ERVW-1: variants seen among roughly 807,000 people sequenced by gnomAD.
The protein encoded by ERVW-1 is syncytin-1.
ERVW-1 carries 21 observed loss-of-function variants against 16.6 expected under a neutral mutation model. The ratio of observed to expected loss-of-function variants is 1.26; its 90% CI spans 0.90 to 1.82. ERVW-1 has a LOEUF of 1.82. Ranked by LOEUF, ERVW-1 falls within the 40% of genes most tolerant of loss-of-function variation. The pLI, the probability that ERVW-1 is intolerant of heterozygous loss-of-function variation, is 0.00. For synonymous variants in ERVW-1, 161 were observed against 109.8 expected, an observed-to-expected ratio of 1.47 and a Z score of -2.92; for missense variants, 412 against 300.2, an observed-to-expected ratio of 1.37 and a Z score of -2.75.
intron 1 of ERVW-1, chr7:92,472,403 A>G (rs769008621): frequency 6.6e-6 from 1 of 152,214 alleles, no homozygotes; most frequent in African/African-American, 2.4e-5. Context: ...AATGAGGTCA[A>G]CCCTTTGCCA....
At position 92,469,789 on chromosome 7, in the gene ERVW-1, A is replaced by G. The variant is rs1477039721; in HGVS notation, c.593T>C (p.Val198Ala). The change falls in exon 2 of 2, where the codon GTT becomes GCT. Residue 198 changes from valine (V) to alanine (A), a missense_variant. Val to Ala is a moderately conservative substitution (Grantham distance 64). Coordinates refer to ENST00000603053, the MANE Select transcript of ERVW-1 (RefSeq NM_001130925.2). Reference sequence around the variant, plus strand: ...CCATTGTTCAGGTACAGGGATTGAAACATATGGCCTGAAGTTCAGGGGGAG... The same window carrying G: ...CCATTGTTCAGGTACAGGGATTGAAGCATATGGCCTGAAGTTCAGGGGGAG... ...ICLPLNFRPY[V>A]SIPVPEQWNN... The G allele has an allele frequency of 1.3e-6, 1 of 765,360 alleles. No homozygotes were observed. The highest frequency in any genetic ancestry group is 2.4e-5 in the East Asian group (1 of 41,250). 47.4% of individuals were successfully genotyped at this position (765,360 alleles called of 1,614,324 possible).
Position 92,477,793 on chromosome 7 carries a change from G to A in ERVW-1, c.-639C>T, listed in dbSNP as rs1031711292. 8 of 181,396 alleles carry A rather than the reference G, an allele frequency of 4.4e-5. No individual in the cohort carries two copies. Among genetic ancestry groups the A allele is most frequent in the Non-Finnish European group, 7.7e-5 (7 of 90,962 alleles). The allele number at this position is 181,396 out of a possible 1,614,324, so 11.2% of individuals were successfully genotyped here. A position where few individuals can be genotyped will look rare whatever the true frequency, so the allele number is the denominator to read the frequency against. Reference sequence around the variant, plus strand: ...GGATGGGAGTCAGCGGCAGGTCTGCGGTGGTGGCAAACAGCAGTGGTGGAC... The same window carrying A: ...GGATGGGAGTCAGCGGCAGGTCTGCAGTGGTGGCAAACAGCAGTGGTGGAC... On this transcript the variant is annotated 5_prime_UTR_variant, in exon 1 of 2. Coordinates refer to ENST00000603053, the MANE Select transcript of ERVW-1 (RefSeq NM_001130925.2).
chr7:92,468,431 A>G lies in ERVW-1; in HGVS notation c.*334T>C, dbSNP rs1349288987. ...AATAGCATGAAAACAGAGCTCCCAT[A>G]CAAAGGGAGGGGACCCAAAGGGGGT... On this transcript the variant is annotated 3_prime_UTR_variant, in exon 2 of 2. Transcript: ENST00000603053. 1 of 196,190 alleles carries G rather than the reference A, an allele frequency of 5.1e-6. No homozygotes were observed. The highest frequency in any genetic ancestry group is 1.0e-5 in the Non-Finnish European group (1 of 96,744). The allele number at this position is 196,190 out of a possible 1,614,324, so 12.2% of individuals were successfully genotyped here. A position where few individuals can be genotyped will look rare whatever the true frequency, so the allele number is the denominator to read the frequency against.
intron 1 of ERVW-1, among the ~76,000 whole-genome samples, chr7:92,473,518 C>T (rs1790426873): frequency 6.6e-6 from 1 of 152,036 alleles, no homozygotes; most frequent in Non-Finnish European, 1.5e-5. Flanking sequence ...TTAATTCCTT[C>T]CTCAAGCAGG....
At chr7:92,471,133 C>G (rs1329517421) in intron 1 of ERVW-1, 1 of 166,440 alleles carries the variant, frequency 6.0e-6, no homozygotes, top group Non-Finnish European at 1.5e-5. Context: ...ACCTCTTGGG[C>G]CTTTTCTGTC....
rs1396993003 is a variant in ERVW-1 at position 92,470,146 on chromosome 7, C to T, written c.236G>A (p.Cys79Tyr). The change falls in exon 2 of 2, where the codon TGC (cysteine) becomes TAC (tyrosine). Residue 79 changes from cysteine to tyrosine, a missense_variant. Physicochemically the swap from Cys to Tyr is radical, Grantham distance 194 (BLOSUM62 -2). Transcript: ENST00000603053. The part of the protein sequence containing the change: ...PRNCYHSATL[C>Y]MHANTHYWTG... ...CCAATAATGAGTATTTGCATGCATGCAAAGAGTGGCAGAGTGATAGCAGTT... is the reference window on the plus strand; with the variant it reads ...CCAATAATGAGTATTTGCATGCATGTAAAGAGTGGCAGAGTGATAGCAGTT... 2 of 778,602 alleles carry T rather than the reference C, an allele frequency of 2.6e-6. No homozygotes were observed. The highest frequency in any genetic ancestry group is 2.4e-5 in the East Asian group (1 of 41,254). 48.2% of individuals were successfully genotyped at this position (778,602 alleles called of 1,614,324 possible).
At position 92,468,862 on chromosome 7, in the gene ERVW-1, C is replaced by G. The variant is rs898259811; in HGVS notation, c.1520G>C (p.Ser507Thr). 1.3e-6 allele frequency: 1 copy of G among 764,420 alleles called. No homozygotes were observed. Among genetic ancestry groups the G allele is most frequent in the Non-Finnish European group, 2.4e-6 (1 of 417,868 alleles). 47.4% of individuals were successfully genotyped at this position (764,420 alleles called of 1,614,324 possible). A position where few individuals can be genotyped will look rare whatever the true frequency, so the allele number is the denominator to read the frequency against. ...GATGTCATTAACATCAGATCGTGGG[C>G]TAGCAGGCCGGTCCAGGGGTCTGCG... Reference protein sequence around the residue: ...IYRRPLDRPASPRSDVNDIKG... With the variant: ...IYRRPLDRPATPRSDVNDIKG... Residue 507 changes from serine (S) to threonine (T), a missense_variant, in exon 2 of 2, where the codon AGC (serine) becomes ACC (threonine). By Grantham distance (58) the Ser-to-Thr change is moderately conservative. Transcript: ENST00000603053.
In ERVW-1 at chr7:92,468,982, C is replaced by T. The variant is rs1311778924; in HGVS notation, c.1400G>A (p.Cys467Tyr). The T allele has an allele frequency of 2.6e-6, 2 of 761,788 alleles. No individual in the cohort carries two copies. The highest frequency in any genetic ancestry group is 2.4e-6 in the Non-Finnish European group (1 of 417,034). 47.2% of individuals were successfully genotyped at this position (761,788 alleles called of 1,614,324 possible). Residue 467 changes from cysteine (C) to tyrosine (Y), a missense_variant, in exon 2 of 2, where the codon TGT (cysteine) becomes TAT (tyrosine). Cys to Tyr is a radical substitution (Grantham distance 194). Transcript: ENST00000603053. ...AIILLLLFGPCIFNLLVNFVS... is the reference protein window; with the variant it reads ...AIILLLLFGPYIFNLLVNFVS... Reference sequence around the variant, plus strand: ...AAAGTTAACAAGGAGGTTAAAGATACAGGGTCCAAAGAGGAGTAGCAATAT... The same window carrying T: ...AAAGTTAACAAGGAGGTTAAAGATATAGGGTCCAAAGAGGAGTAGCAATAT...
chr7:92,470,616 T>C lies in ERVW-1; in HGVS notation c.-227-8A>G. On this transcript the variant is annotated splice_region_variant and splice_polypyrimidine_tract_variant and intron_variant, in intron 1 of 1. Coordinates refer to ENST00000603053, the MANE Select transcript of ERVW-1 (RefSeq NM_001130925.2). ...GTCCTTCCCAGGATGTATCTAGGGA[T>C]GGGGAATTAGAGGGAAGGGACTTGA... 1 of 433,848 alleles carries C rather than the reference T, an allele frequency of 2.3e-6. No individual in the cohort carries two copies. The highest frequency in any genetic ancestry group is 4.2e-6 in the Non-Finnish European group (1 of 238,396). The allele number at this position is 433,848 out of a possible 1,614,324, so 26.9% of individuals were successfully genotyped here. A position where few individuals can be genotyped will look rare whatever the true frequency, so the allele number is the denominator to read the frequency against.
At chr7:92,474,566 G>A (rs1024471726) in intron 1 of ERVW-1, 4 of 152,248 alleles carry the variant, frequency 2.6e-5, no homozygotes, top group Non-Finnish European at 5.9e-5. Context: ...GGAACTGCCT[G>A]CTGGCCTGTG....
chr7:92,476,235 G>A (rs1790538243), intron 1 of ERVW-1, among the ~76,000 whole-genome samples: 1 of 152,210 alleles, frequency 6.6e-6, no homozygotes, highest in Non-Finnish European at 1.5e-5. Flanking sequence ...GAGTTAGTAA[G>A]CTACCTTTTT....
intron 1 of ERVW-1, chr7:92,471,104 A>G (rs1790331766): frequency 6.0e-6 from 1 of 166,674 alleles, no homozygotes; most frequent in Non-Finnish European, 1.5e-5. Context: ...GAATTATTTC[A>G]TGAACTAGTG....
chr7:92,471,501 G>T (rs192092282), intron 1 of ERVW-1: 1 of 152,200 alleles, frequency 6.6e-6, no homozygotes, highest in South Asian at 2.1e-4. Flanking sequence ...GTGGCTAGCC[G>T]TCCCGAGGGG....
Position 92,469,405 on chromosome 7 carries a change from C to G in ERVW-1, c.977G>C (p.Gly326Ala), listed in dbSNP as rs1179524297. The G allele has an allele frequency of 6.5e-6, 5 of 771,370 alleles. No individual in the cohort carries two copies. Among genetic ancestry groups the G allele is most frequent in the Non-Finnish European group, 9.6e-6 (4 of 416,758 alleles). 47.8% of individuals were successfully genotyped at this position (771,370 alleles called of 1,614,324 possible). The change falls in exon 2 of 2, where the codon GGA (glycine) becomes GCA (alanine). Residue 326 changes from glycine (G) to alanine (A), a missense_variant. Coordinates refer to ENST00000603053, the MANE Select transcript of ERVW-1 (RefSeq NM_001130925.2). ...ACCTAGTGCACCTAGCACTCCTGCT[C>G]CTATAACAAAAGGAAGAATGGGTAC... is the stretch of plus-strand genomic sequence containing the variant. ...KRVPILPFVI[G>A]AGVLGALGTG...
chr7:92,469,492 A>C lies in ERVW-1; in HGVS notation c.890T>G (p.Met297Arg), dbSNP rs1292609242. ...TAAATCTTGTTCAGTGTAGATGGTC[A>C]TAGGGGGCACTAAGAATGAGAGGAA... Reference protein sequence around the residue: ...MCFLSFLVPPMTIYTEQDLYS... With the variant: ...MCFLSFLVPPRTIYTEQDLYS... The change falls in exon 2 of 2, where the codon ATG becomes AGG. Residue 297 changes from methionine (M) to arginine (R), a missense_variant. By Grantham distance (91) the Met-to-Arg change is moderately conservative. Coordinates refer to ENST00000603053, the MANE Select transcript of ERVW-1 (RefSeq NM_001130925.2). 5.2e-6 allele frequency: 4 copies of C among 769,058 alleles called. No homozygotes were observed. Among genetic ancestry groups the C allele is most frequent in the Admixed American group, 3.4e-5 (2 of 58,698 alleles). 47.6% of individuals were successfully genotyped at this position (769,058 alleles called of 1,614,324 possible).
At chr7:92,470,764 G>A in intron 1 of ERVW-1, 156 bp from the exon 2 acceptor site, 1 of 178,268 alleles carries the variant, frequency 5.6e-6, no homozygotes, top group Non-Finnish European at 1.3e-5. Flanking sequence ...TAAGTTGGCT[G>A]TCTTGGGTCA....
At chr7:92,470,747 C>A in intron 1 of ERVW-1, 139 bp from the exon 2 acceptor site, 1 of 182,870 alleles carries the variant, frequency 5.5e-6, no homozygotes, top group Non-Finnish European at 1.3e-5. Context: ...GAGGTGATGT[C>A]TGCAACTAAG....
chr7:92,471,398 T>C (rs1562831210), intron 1 of ERVW-1: 1 of 152,642 alleles, frequency 6.6e-6, no homozygotes, highest in Non-Finnish European at 1.5e-5. Flanking sequence ...GGCCATCTGA[T>C]GGGTGCTATC....
chr7:92,472,664 G>A (rs372613943), intron 1 of ERVW-1: 16 of 152,184 alleles, frequency 1.1e-4, no homozygotes, highest in Admixed American at 5.9e-4. Context: ...TGGCTATTTC[G>A]CCATACCTGG....
Sources: gnomAD v4.1 joint callset for allele counts (sites outside exome capture counted in the v4.1 genomes callset) on GRCh38, gnomAD v4.1.1 for gene constraint, MANE v1.5 for transcripts, NCBI Gene and HGNC (gene_info 2026-07-23, HGNC 2026-07-21) for gene names.